Variants in THSD7B observed in about 807,000 individuals in gnomAD.
The protein encoded by THSD7B is thrombospondin type-1 domain-containing protein 7B.
In THSD7B, 138 loss-of-function variants were observed where a neutral mutation model predicts 213.6. The ratio of observed to expected loss-of-function variants is 0.65; its 90% CI spans 0.56 to 0.74. The LOEUF (loss-of-function observed/expected upper bound fraction) is 0.74, where lower values mean the gene tolerates loss of function less well. THSD7B is among the 30% of genes least tolerant of loss of function. The pLI is 0.00. For missense variants in THSD7B, 1,931 were observed against 1,991.5 expected, an observed-to-expected ratio of 0.97 and a Z score of 0.58; for synonymous variants, 742 against 687.0, an observed-to-expected ratio of 1.08 and a Z score of -1.25.
chr2:137,316,608 A>G (rs978323163), intron 12 of THSD7B, among the ~76,000 whole-genome samples: 3 of 152,056 alleles, frequency 2.0e-5, no homozygotes, highest in Admixed American at 2.0e-4. Flanking sequence ...TAAAAATACA[A>G]AAAGCCAGGC....
intron 1 of THSD7B, among the ~76,000 whole-genome samples, chr2:136,843,622 A>G (rs1406478540): frequency 3.3e-5 from 5 of 152,192 alleles, no homozygotes; most frequent in Non-Finnish European, 7.3e-5. Context: ...TGTAGAACCA[A>G]CAGTGAGCTC....
intron 1 of THSD7B, among the ~76,000 whole-genome samples, chr2:136,809,514 G>A (rs778416691): frequency 3.9e-5 from 6 of 152,234 alleles, no homozygotes; most frequent in South Asian, 4.1e-4. Flanking sequence ...TTATTACAAC[G>A]TAGACTCTGA....
chr2:137,195,807 T>C (rs940890949), intron 7 of THSD7B, among the ~76,000 whole-genome samples: 1 of 152,160 alleles, frequency 6.6e-6, no homozygotes, highest in African/African-American at 2.4e-5. Context: ...TCAACGAATG[T>C]TGACACTAGT....
intron 15 of THSD7B, among the ~76,000 whole-genome samples, chr2:137,512,382 CTTTTTTT>C (rs70978233): frequency 4.1e-3 from 331 of 81,352 alleles, no homozygotes; most frequent in East Asian, 8.7e-3. Flanking sequence ...CATTTATTTC[CTTTTTTT>C]TTTTTTTTTT....
intron 2 of THSD7B, among the ~76,000 whole-genome samples, chr2:136,972,093 G>C (rs1438133750): frequency 4.0e-5 from 6 of 150,866 alleles, no homozygotes; most frequent in African/African-American, 1.5e-4. Context: ...ACAAGGTTTG[G>C]TTGCATATCT....
chr2:137,059,989 C>T (rs1251061145), intron 3 of THSD7B, among the ~76,000 whole-genome samples: 2 of 152,114 alleles, frequency 1.3e-5, no homozygotes, highest in East Asian at 1.9e-4. Flanking sequence ...TGCAATGCCA[C>T]CAGCAATTAG....
chr2:136,872,992 C>T, intron 1 of THSD7B, among the ~76,000 whole-genome samples: 1 of 130,564 alleles, frequency 7.7e-6, no homozygotes, highest in East Asian at 2.3e-4. Context: ...CACTGCACTC[C>T]AGCCTGGGTG....
chr2:137,564,916 A>G (rs535055638), intron 16 of THSD7B, among the ~76,000 whole-genome samples: 6 of 152,182 alleles, frequency 3.9e-5, no homozygotes, highest in Non-Finnish European at 5.9e-5. Context: ...AACCCTCAGT[A>G]GCTCAGAAGG....
chr2:137,272,392 T>G (rs1233616977), intron 10 of THSD7B, 141 bp from the exon 11 acceptor site: 1 of 726,230 alleles, frequency 1.4e-6, no homozygotes, highest in Non-Finnish European at 2.2e-6. Context: ...CTCCTGGTCT[T>G]TGCTTGTTAT....
chr2:137,050,905 C>T (rs539133984), intron 2 of THSD7B, among the ~76,000 whole-genome samples: 1 of 152,258 alleles, frequency 6.6e-6, no homozygotes, highest in East Asian at 1.9e-4. Flanking sequence ...ATGCGTAACT[C>T]AGTAATGGAT....
intron 17 of THSD7B, among the ~76,000 whole-genome samples, chr2:137,613,084 G>A (rs911685898): frequency 2.0e-5 from 3 of 152,080 alleles, no homozygotes. Context: ...AACCAGAGTG[G>A]TTCAAACATG....
At chr2:136,828,035 G>A (rs1682687383) in intron 1 of THSD7B, among the ~76,000 whole-genome samples, 1 of 151,958 alleles carries the variant, frequency 6.6e-6, no homozygotes, top group African/African-American at 2.4e-5. Flanking sequence ...GATAACATAG[G>A]AGCCATGAAG....
At chr2:137,534,898 A>T (rs1275609967) in intron 15 of THSD7B, among the ~76,000 whole-genome samples, 1 of 151,838 alleles carries the variant, frequency 6.6e-6, no homozygotes, top group South Asian at 2.1e-4. Flanking sequence ...ATAAAATTTC[A>T]CAAGAAAAAT....
intron 15 of THSD7B, 108 bp from the exon 16 acceptor site, chr2:137,563,113 A>G: frequency 8.2e-7 from 1 of 1,224,020 alleles, no homozygotes; most frequent in Non-Finnish European, 1.1e-6. Context: ...TGTTTGGGCC[A>G]GAGTGCAGTT....
At chr2:136,946,744 T>C (rs1008171659) in intron 2 of THSD7B, among the ~76,000 whole-genome samples, 3 of 152,204 alleles carry the variant, frequency 2.0e-5, no homozygotes, top group Non-Finnish European at 4.4e-5. Flanking sequence ...CTCAGTCTAC[T>C]GCGCTAGCAG....
In THSD7B at chr2:137,097,719, G is replaced by T. The variant is rs114749858; in HGVS notation, c.1199+2598G>T. On this transcript the variant is annotated intron_variant, in intron 4 of 27. Transcript: ENST00000409968. The stretch of plus-strand genomic sequence containing the variant: ...AAATAGAGGCTGACAGACTTCACTG[G>T]TGATGATCCTGGCCCTCTAGTTCTA... Among the ~76,000 whole-genome samples the T allele has an allele frequency of 8.9e-3, 1,343 of 151,404 alleles. 17 individuals carry two copies. Among genetic ancestry groups the T allele is most frequent in the African/African-American group, 0.032 (1,301 of 41,254 alleles).
chr2:137,159,657 A>G (rs1050916576), intron 5 of THSD7B, among the ~76,000 whole-genome samples: 3 of 152,118 alleles, frequency 2.0e-5, no homozygotes, highest in Non-Finnish European at 2.9e-5. Flanking sequence ...GTGTAGCCTC[A>G]CAAATGAAAC....
At chr2:136,965,814 A>ATTTTC (rs1156794848) in intron 2 of THSD7B, among the ~76,000 whole-genome samples, 1 of 150,888 alleles carries the variant, frequency 6.6e-6, no homozygotes, top group East Asian at 1.9e-4. Context: ...ATTTTATTTT[A>ATTTTC]TTTTCAGTTT....
At chr2:137,093,060 T>C (rs559103678) in intron 3 of THSD7B, among the ~76,000 whole-genome samples, 74 of 152,336 alleles carry the variant, frequency 4.9e-4, no homozygotes, top group African/African-American at 1.7e-3. Context: ...TCCCAAAGTA[T>C]TGGTTGCCTT....
Sources: gnomAD v4.1 joint callset for allele counts (sites outside exome capture counted in the v4.1 genomes callset) on GRCh38, gnomAD v4.1.1 for gene constraint, MANE v1.5 for transcripts, NCBI Gene and HGNC (gene_info 2026-07-23, HGNC 2026-07-21) for gene names.